The following ZFPM2 variants were observed in gnomAD, a reference collection of about 807,000 sequenced individuals.
ZFPM2 encodes the protein zinc finger protein, FOG family member 2, also known as zinc finger protein ZFPM2.
A neutral mutation model predicts 98.6 loss-of-function variants in ZFPM2; 20 were observed. The observed-to-expected ratio is 0.20, with a 90% CI of 0.14 to 0.29. The LOEUF (loss-of-function observed/expected upper bound fraction) is 0.29, where lower values mean the gene tolerates loss of function less well. ZFPM2 is among the 10% of genes least tolerant of loss of function. ZFPM2 has a pLI of 1.00. For synonymous variants in ZFPM2, 518 were observed against 502.7 expected (o/e 1.03, Z -0.41); for missense variants, 1,310 against 1,388.6 (o/e 0.94, Z 0.90).
At chr8:105,476,312 C>T (rs766311645) in intron 3 of ZFPM2, among the ~76,000 whole-genome samples, 2 of 152,176 alleles carry the variant, frequency 1.3e-5, no homozygotes, top group Non-Finnish European at 2.9e-5. Context: ...TGTCTGAGCT[C>T]TGCCTCCTGT....
chr8:105,655,179 C>G (rs1022469767), intron 5 of ZFPM2, among the ~76,000 whole-genome samples: 4 of 148,612 alleles, frequency 2.7e-5, no homozygotes, highest in African/African-American at 7.4e-5. Flanking sequence ...TTTATTTCAT[C>G]GACTCACAAT....
intron 1 of ZFPM2, among the ~76,000 whole-genome samples, chr8:105,344,654 T>G (rs1812483725): frequency 6.6e-6 from 1 of 152,114 alleles, no homozygotes; most frequent in African/African-American, 2.4e-5. Context: ...GTGTGCCCCC[T>G]TCATTTATAT....
intron 1 of ZFPM2, among the ~76,000 whole-genome samples, chr8:105,380,637 T>TATATATATATATTATATATAAC (rs1563630773): frequency 2.9e-4 from 4 of 13,740 alleles, no homozygotes; most frequent in South Asian, 1.7e-3. Context: ...ATATATATTA[T>TATATATATATATTATATATAAC]ATATATATTA....
intron 4 of ZFPM2, among the ~76,000 whole-genome samples, chr8:105,628,398 C>T (rs539936756): frequency 6.6e-6 from 1 of 152,260 alleles, no homozygotes; most frequent in East Asian, 1.9e-4. Context: ...TTGACGGGAA[C>T]AGGAGGCAGA....
intron 1 of ZFPM2, among the ~76,000 whole-genome samples, chr8:105,346,382 C>T (rs1812527493): frequency 6.8e-6 from 1 of 147,590 alleles, no homozygotes; most frequent in Non-Finnish European, 1.5e-5. Flanking sequence ...GAAACTCCAT[C>T]TCAAAAAAAA....
intron 3 of ZFPM2, among the ~76,000 whole-genome samples, chr8:105,455,822 A>G (rs1275949714): frequency 1.3e-5 from 2 of 152,320 alleles, no homozygotes; most frequent in Non-Finnish European, 1.5e-5. Flanking sequence ...TGGATTTTTA[A>G]TATGGCACGG....
At chr8:105,673,403 A>G (rs918779656) in intron 5 of ZFPM2, among the ~76,000 whole-genome samples, 1 of 152,066 alleles carries the variant, frequency 6.6e-6, no homozygotes, top group African/African-American at 2.4e-5. Flanking sequence ...CACTGTAATA[A>G]GTTTTAAATC....
intron 5 of ZFPM2, among the ~76,000 whole-genome samples, chr8:105,695,219 A>G (rs1288850187): frequency 3.3e-5 from 5 of 152,138 alleles, no homozygotes; most frequent in Non-Finnish European, 7.4e-5. Flanking sequence ...AATTCCCTGT[A>G]ATATATTAGA....
intron 3 of ZFPM2, among the ~76,000 whole-genome samples, chr8:105,447,927 A>T (rs1812408244): frequency 6.6e-6 from 1 of 152,098 alleles, no homozygotes; most frequent in Admixed American, 6.6e-5. Context: ...TTTTGTTATC[A>T]CTATTGCTCA....
At position 105,597,903 on chromosome 8, in the gene ZFPM2, A is replaced by G. The variant is rs1277622996; in HGVS notation, c.421-36343A>G. Among the ~76,000 whole-genome samples, 8 of 152,206 alleles carry G rather than the reference A, an allele frequency of 5.3e-5. No homozygotes were observed. In the East Asian group the frequency reaches 1.2e-3, roughly 22 times the overall value. ...ATTAGGATAAATATGAAATTTGAAT[A>G]GATATTGCAGGTGTGAGACATCAGA... is the stretch of plus-strand genomic sequence containing the variant. On this transcript the variant is annotated intron_variant, in intron 4 of 7. Coordinates refer to ENST00000407775, the MANE Select transcript of ZFPM2 (RefSeq NM_012082.4).
At chr8:105,374,012 C>T (rs968131694) in intron 1 of ZFPM2, among the ~76,000 whole-genome samples, 1 of 152,134 alleles carries the variant, frequency 6.6e-6, no homozygotes, top group African/African-American at 2.4e-5. Flanking sequence ...AAAGGTTGTT[C>T]AAGTGCTGGG....
chr8:105,780,999 T>C (rs775921689), intron 5 of ZFPM2, among the ~76,000 whole-genome samples: 7 of 152,270 alleles, frequency 4.6e-5, no homozygotes, highest in Non-Finnish European at 1.0e-4. Flanking sequence ...TTTTTGTTCA[T>C]AGAGCTTAAC....
chr8:105,542,346 T>G (rs1268899843), intron 3 of ZFPM2, among the ~76,000 whole-genome samples: 1 of 152,182 alleles, frequency 6.6e-6, no homozygotes, highest in African/African-American at 2.4e-5. Flanking sequence ...AGTTGTTGAT[T>G]GTTTTTATCT....
chr8:105,330,470 A>G lies in ZFPM2; in HGVS notation c.40+11489A>G, dbSNP rs143851737. On this transcript the variant is annotated intron_variant, in intron 1 of 7. Transcript: ENST00000407775. ...TTAGTAATAGGTCCAAGAAAAGTGC[A>G]TAAGAAAATGACCTAGTTTCTTCTA... Among the ~76,000 whole-genome samples the G allele has an allele frequency of 6.7e-5, 10 of 149,512 alleles. No homozygotes were observed. The East Asian group carries it at 1.6e-3, about 23-fold the overall frequency.
chr8:105,745,879 C>T (rs1812331818), intron 5 of ZFPM2, among the ~76,000 whole-genome samples: 1 of 152,080 alleles, frequency 6.6e-6, no homozygotes. Context: ...CATGCCTCAG[C>T]CTCCTGAGTA....
intron 4 of ZFPM2, among the ~76,000 whole-genome samples, chr8:105,578,167 A>C (rs145493679): frequency 1.3e-5 from 2 of 152,206 alleles, no homozygotes; most frequent in African/African-American, 4.8e-5. Flanking sequence ...AGCTACTGAG[A>C]GCTTTGAAAG....
chr8:105,523,860 C>G (rs1317463308), intron 3 of ZFPM2, among the ~76,000 whole-genome samples: 1 of 152,058 alleles, frequency 6.6e-6, no homozygotes, highest in Admixed American at 6.6e-5. Flanking sequence ...GATGTTCAGG[C>G]CCCCCTGTGG....
At chr8:105,628,854 G>A (rs945298367) in intron 4 of ZFPM2, among the ~76,000 whole-genome samples, 17 of 152,116 alleles carry the variant, frequency 1.1e-4, no homozygotes, top group African/African-American at 4.1e-4. Context: ...CCACGAGTGA[G>A]GATACAAAAG....
At position 105,598,826 on chromosome 8, in the gene ZFPM2, ATT is replaced by A. The variant is rs1344437406; in HGVS notation, c.421-35419_421-35418del. Among the ~76,000 whole-genome samples the A allele has an allele frequency of 7.0e-4, 106 of 152,176 alleles. 1 individual carries two copies. In the East Asian group the frequency reaches 0.019, roughly 28 times the overall value. On this transcript the variant is annotated intron_variant, in intron 4 of 7. Coordinates refer to ENST00000407775, the MANE Select transcript of ZFPM2 (RefSeq NM_012082.4). ...AGAGCCTTCTTACTTCTAGCAACCAATTACTACATACAAAAAAAACTTTCCCC... is the reference window on the plus strand; with the variant it reads ...AGAGCCTTCTTACTTCTAGCAACCAAACTACATACAAAAAAAACTTTCCCC...
Sources: allele counts gnomAD v4.1 joint callset (sites outside exome capture counted in the v4.1 genomes callset), GRCh38; gene constraint gnomAD v4.1.1; transcripts MANE v1.5; gene names NCBI Gene and HGNC (gene_info 2026-07-23, HGNC 2026-07-21).